Variants in EML6 observed in about 807,000 individuals in gnomAD.
EML6 encodes EMAP like 6, also known as echinoderm microtubule-associated protein-like 6.
In EML6, 154 loss-of-function variants were observed where a neutral mutation model predicts 240.1. The observed-to-expected ratio is 0.64, with a 90% confidence interval of 0.56 to 0.73. The LOEUF (loss-of-function observed/expected upper bound fraction) is 0.73. Among genes scored for constraint, EML6 ranks in the 30% least tolerant of loss-of-function variants. EML6 has a pLI of 0.00. For missense variants in EML6, 2,964 were observed against 2,474.6 expected, an observed-to-expected ratio of 1.20 and a Z score of -4.20; for synonymous variants, 1,148 against 899.0, an observed-to-expected ratio of 1.28 and a Z score of -4.95.
At chr2:54,858,551 C>A (rs549345968) in intron 11 of EML6, among the ~76,000 whole-genome samples, 1 of 152,188 alleles carries the variant, frequency 6.6e-6, no homozygotes, top group Non-Finnish European at 1.5e-5. Flanking sequence ...TATTACGAAA[C>A]TGATTTAGGT....
intron 2 of EML6, among the ~76,000 whole-genome samples, chr2:54,805,782 A>G (rs1317668803): frequency 6.6e-6 from 1 of 152,032 alleles, no homozygotes; most frequent in Non-Finnish European, 1.5e-5. Flanking sequence ...ATTTTTTTCT[A>G]TCAATTACTT....
chr2:54,771,575 C>T (rs1292653661), intron 2 of EML6, among the ~76,000 whole-genome samples: 3 of 152,228 alleles, frequency 2.0e-5, no homozygotes, highest in African/African-American at 4.8e-5. Context: ...ATGCTGCTAA[C>T]GCCATTTTCA....
At chr2:54,916,615 A>C in intron 25 of EML6, 144 bp from the exon 26 acceptor site, 1 of 525,880 alleles carries the variant, frequency 1.9e-6, no homozygotes. Context: ...TTAAATATGC[A>C]ACTTAGAATT....
chr2:54,906,260 C>T (rs921388664), intron 24 of EML6, among the ~76,000 whole-genome samples: 1 of 152,028 alleles, frequency 6.6e-6, no homozygotes, highest in African/African-American at 2.4e-5. Context: ...GTTTCATTTG[C>T]GTTTAGGGAG....
chr2:54,734,401 G>A (rs13432101), intron 2 of EML6, among the ~76,000 whole-genome samples: 3,450 of 152,334 alleles, frequency 0.023, 126 homozygotes, highest in African/African-American at 0.071. Context: ...AGACTGTGCC[G>A]AAATGTCTCC....
intron 28 of EML6, among the ~76,000 whole-genome samples, chr2:54,929,595 A>G (rs1438358740): frequency 2.6e-5 from 4 of 152,176 alleles, no homozygotes; most frequent in African/African-American, 7.2e-5. Context: ...TATGAGATTC[A>G]AGTAGTTTGC....
At chr2:54,806,612 CAAAAAAAAAAAAAAAAAAAAAA>C (rs58185994) in intron 2 of EML6, among the ~76,000 whole-genome samples, 1 of 52,822 alleles carries the variant, frequency 1.9e-5, no homozygotes, top group African/African-American at 7.6e-5. Flanking sequence ...ACTCCGTCTC[CAAAAAAAAAAAAAAAAAAAAAA>C]AAAAAAAAAA....
intron 17 of EML6, among the ~76,000 whole-genome samples, chr2:54,886,810 G>C (rs1005377714): frequency 1.3e-5 from 2 of 152,170 alleles, no homozygotes; most frequent in African/African-American, 2.4e-5. Context: ...TCCCTTATCA[G>C]ATATATGATT....
At chr2:54,793,462 A>G (rs775716259) in intron 2 of EML6, among the ~76,000 whole-genome samples, 9 of 149,202 alleles carry the variant, frequency 6.0e-5, no homozygotes, top group Non-Finnish European at 1.0e-4. Flanking sequence ...AATGTATGCA[A>G]GCATATCTTT....
intron 5 of EML6, among the ~76,000 whole-genome samples, chr2:54,825,824 C>T (rs1213020438): frequency 6.6e-6 from 1 of 152,110 alleles, no homozygotes; most frequent in Non-Finnish European, 1.5e-5. Context: ...CTCTAGTACC[C>T]AACTACTCTG....
chr2:54,907,123 A>G (rs144595552), intron 24 of EML6, among the ~76,000 whole-genome samples: 13 of 152,276 alleles, frequency 8.5e-5, no homozygotes, highest in African/African-American at 2.9e-4. Context: ...GAGAAAGAAA[A>G]AATGTATGGA....
intron 28 of EML6, among the ~76,000 whole-genome samples, chr2:54,933,061 G>A (rs1299524057): frequency 2.0e-5 from 3 of 152,034 alleles, no homozygotes; most frequent in Admixed American, 6.5e-5. Context: ...TCATATCTCA[G>A]TTCTTCTTCC....
chr2:54,947,257 G>A (rs930066409), intron 28 of EML6, among the ~76,000 whole-genome samples: 2 of 152,156 alleles, frequency 1.3e-5, no homozygotes, highest in African/African-American at 4.8e-5. Context: ...GTCCTGGGAA[G>A]CGATAATTAA....
chr2:54,883,900 G>A (rs943846628), intron 17 of EML6, among the ~76,000 whole-genome samples: 2 of 152,064 alleles, frequency 1.3e-5, no homozygotes, highest in Admixed American at 1.3e-4. Flanking sequence ...AAATAACCTT[G>A]GTGTTTTTAT....
At chr2:54,826,706 G>T (rs1206332398) in intron 5 of EML6, among the ~76,000 whole-genome samples, 1 of 152,092 alleles carries the variant, frequency 6.6e-6, no homozygotes, top group African/African-American at 2.4e-5. Flanking sequence ...TTTGTGTATG[G>T]TCTTCTACAC....
chr2:54,898,004 A>G (rs1037529821), intron 21 of EML6, among the ~76,000 whole-genome samples: 11 of 152,164 alleles, frequency 7.2e-5, no homozygotes, highest in Admixed American at 2.6e-4. Flanking sequence ...TGGCACGGCA[A>G]TCCAATCACA....
At chr2:54,791,760 C>A (rs1377510648) in intron 2 of EML6, among the ~76,000 whole-genome samples, 1 of 152,202 alleles carries the variant, frequency 6.6e-6, no homozygotes, top group Admixed American at 6.5e-5. Context: ...TCCACCCTAC[C>A]GTTTGCCCTC....
chr2:54,875,364 A>C (rs1363725404), intron 16 of EML6, among the ~76,000 whole-genome samples: 1 of 152,222 alleles, frequency 6.6e-6, no homozygotes, highest in Non-Finnish European at 1.5e-5. Flanking sequence ...TAACGGTGTA[A>C]ACAGGGCACT....
chr2:54,938,578 T>C (rs1422499700), intron 28 of EML6, among the ~76,000 whole-genome samples: 1 of 152,190 alleles, frequency 6.6e-6, no homozygotes, highest in Non-Finnish European at 1.5e-5. Context: ...AGTACATGCC[T>C]ACCAGCTCCC....
Sources: allele counts gnomAD v4.1 joint callset (sites outside exome capture counted in the v4.1 genomes callset), GRCh38; gene constraint gnomAD v4.1.1; transcripts MANE v1.5; gene names NCBI Gene and HGNC (gene_info 2026-07-23, HGNC 2026-07-21).